PCDHGA6: variants seen among roughly 807,000 people sequenced by gnomAD.
The protein encoded by PCDHGA6 is protocadherin gamma-A6.
Under a neutral mutation model 60.6 loss-of-function variants are expected in PCDHGA6, and 41 were observed. The observed-to-expected ratio is 0.68, with a 90% CI of 0.53 to 0.88. The LOEUF is 0.88. Ranked by LOEUF, PCDHGA6 falls within the 40% of genes least tolerant of loss-of-function variation. The probability of loss-of-function intolerance (pLI) is 0.00; values close to 1 mark genes in which losing one functional copy is unlikely to be tolerated. For missense variants in PCDHGA6, 1,312 were observed against 1,203.0 expected (o/e 1.09, Z -1.34); for synonymous variants, 594 against 524.4 (o/e 1.13, Z -1.81).
intron 1 of PCDHGA6, chr5:141,442,166 A>G (rs2098306007): frequency 6.4e-6 from 1 of 156,354 alleles, no homozygotes; most frequent in Non-Finnish European, 1.4e-5. Flanking sequence ...TCACTCTGCA[A>G]AGCTACAGCC....
In PCDHGA6 at chr5:141,432,085, G is replaced by A. The variant is rs144065251; in HGVS notation, c.2424+55578G>A. 2.2e-4 allele frequency: 353 copies of A among 1,614,164 alleles called. 1 individual carries two copies. The African/African-American group carries it at 4.2e-3, about 19-fold the overall frequency. ...CGGAAACTCATATCTCGCTGAACGT[G>A]GCAGACACCAACGACAACCCGCCGG... On this transcript the variant is annotated intron_variant, in intron 1 of 3. Transcript: ENST00000517434. This position sits in a 1 kb window ranked among gnomAD's most constrained non-coding sequence, Gnocchi z 6.0.
At chr5:141,417,941 A>T (rs1319967892) in intron 1 of PCDHGA6, 1 of 1,612,890 alleles carries the variant, frequency 6.2e-7, no homozygotes, top group South Asian at 1.1e-5. Context: ...GTTCTACCCC[A>T]CGCTGTGTGA....
At chr5:141,414,564 C>G in intron 1 of PCDHGA6, 1 of 1,613,948 alleles carries the variant, frequency 6.2e-7, no homozygotes, top group East Asian at 2.2e-5. Context: ...CCTACTTTAC[C>G]TATATCCCAG....
intron 1 of PCDHGA6, chr5:141,413,447 C>T: frequency 2.5e-6 from 4 of 1,614,088 alleles, no homozygotes; most frequent in Non-Finnish European, 3.4e-6. Flanking sequence ...TTGATCACCG[C>T]GGGCAGGATA....
intron 1 of PCDHGA6, among the ~76,000 whole-genome samples, chr5:141,401,533 C>T (rs998579261): frequency 5.9e-5 from 9 of 151,790 alleles, no homozygotes; most frequent in South Asian, 2.1e-4. Context: ...AAGAAACTTA[C>T]AAAAAAAAGG....
chr5:141,386,967 T>C (rs1397962065), intron 1 of PCDHGA6, among the ~76,000 whole-genome samples: 1 of 152,204 alleles, frequency 6.6e-6, no homozygotes, highest in Non-Finnish European at 1.5e-5. Flanking sequence ...CAGATCTCAG[T>C]GACTTTGTGT....
chr5:141,429,760 C>T (rs1036499079), intron 1 of PCDHGA6, among the ~76,000 whole-genome samples: 2 of 152,020 alleles, frequency 1.3e-5, no homozygotes, highest in Non-Finnish European at 2.9e-5. Context: ...AATTTTTTCC[C>T]TATATTTTGA....
chr5:141,505,284 G>A, intron 2 of PCDHGA6, 109 bp from the exon 3 acceptor site: 1 of 1,548,402 alleles, frequency 6.5e-7, no homozygotes. Flanking sequence ...CAGGTCTTGG[G>A]CATGGGGTAG....
At position 141,477,269 on chromosome 5, in the gene PCDHGA6, G is replaced by A; in HGVS notation, c.2425-17538G>A. On this transcript the variant is annotated intron_variant, in intron 1 of 3. Coordinates refer to ENST00000517434, the MANE Select transcript of PCDHGA6 (RefSeq NM_018919.3). This position sits in a 1 kb window ranked among gnomAD's most constrained non-coding sequence, Gnocchi z 4.9. Reference sequence around the variant, plus strand: ...GACTGACCTGGATGCTGGCGAGAACGGGCTGGTGACCTGCGAAGTTCCACC... The same window carrying A: ...GACTGACCTGGATGCTGGCGAGAACAGGCTGGTGACCTGCGAAGTTCCACC... 1.9e-6 allele frequency: 3 copies of A among 1,614,154 alleles called. No individual in the cohort carries two copies. Among genetic ancestry groups the A allele is most frequent in the Non-Finnish European group, 2.5e-6 (3 of 1,180,030 alleles).
Position 141,511,381 on chromosome 5 carries a change from G to C in PCDHGA6, c.*208G>C. 8.5e-7 allele frequency: 1 copy of C among 1,170,380 alleles called. No individual in the cohort carries two copies. Among genetic ancestry groups the C allele is most frequent in the Non-Finnish European group, 1.2e-6 (1 of 854,768 alleles). 72.5% of individuals were successfully genotyped at this position (1,170,380 alleles called of 1,614,324 possible). On this transcript the variant is annotated 3_prime_UTR_variant, in exon 4 of 4. Coordinates refer to ENST00000517434, the MANE Select transcript of PCDHGA6 (RefSeq NM_018919.3). The stretch of plus-strand genomic sequence containing the variant: ...GGGTTGAATATGCAAAAGCAGTTCC[G>C]CTGGGAACCCCCATCCAATCAACTG...
intron 1 of PCDHGA6, chr5:141,420,445 T>C: frequency 9.6e-7 from 1 of 1,044,750 alleles, no homozygotes; most frequent in Non-Finnish European, 1.3e-6. Context: ...AATGCCTCAG[T>C]CTTCCTACTA....
In PCDHGA6 at chr5:141,487,268, G is replaced by A; in HGVS notation, c.2425-7539G>A. ...CCTCTACTTGGCTGTGTCCCTAGTG[G>A]CAATTTGCTTTGTCTCCTTTGGCTC... On this transcript the variant is annotated intron_variant, in intron 1 of 3. Transcript: ENST00000517434. This position sits in a 1 kb window ranked among gnomAD's most constrained non-coding sequence, Gnocchi z 5.0. 4 of 1,614,100 alleles carry A rather than the reference G, an allele frequency of 2.5e-6. No homozygotes were observed. The South Asian group carries it at 4.4e-5, about 18-fold the overall frequency.
rs187713374 is a variant in PCDHGA6, at chr5:141,430,744, C to G, written c.2424+54237C>G. 2.5e-4 allele frequency: 380 copies of G among 1,498,404 alleles called. 1 individual carries two copies. In the African/African-American group the frequency reaches 4.6e-3, roughly 18 times the overall value. The allele number at this position is 1,498,404 out of a possible 1,614,324, so 92.8% of individuals were successfully genotyped here. A position where few individuals can be genotyped will look rare whatever the true frequency, so the allele number is the denominator to read the frequency against. ...GTTAAGGGCAGAATTGAAAATAATTCTGGAGGAAGATAAGAATGATTCCTG... is the reference window on the plus strand; with the variant it reads ...GTTAAGGGCAGAATTGAAAATAATTGTGGAGGAAGATAAGAATGATTCCTG... On this transcript the variant is annotated intron_variant, in intron 1 of 3. Coordinates refer to ENST00000517434, the MANE Select transcript of PCDHGA6 (RefSeq NM_018919.3).
intron 1 of PCDHGA6, among the ~76,000 whole-genome samples, chr5:141,468,777 A>T (rs2099178581): frequency 6.7e-6 from 1 of 150,364 alleles, no homozygotes; most frequent in Non-Finnish European, 1.5e-5. Flanking sequence ...GAGGCAGGAG[A>T]ATGGCGTGAA....
chr5:141,444,902 G>A (rs1442325957), intron 1 of PCDHGA6, among the ~76,000 whole-genome samples: 1 of 152,160 alleles, frequency 6.6e-6, no homozygotes, highest in Non-Finnish European at 1.5e-5. Context: ...GGATGGCATT[G>A]CATCTATACC....
At chr5:141,404,446 G>A (rs1211285523) in intron 1 of PCDHGA6, 2 of 1,612,974 alleles carry the variant, frequency 1.2e-6, no homozygotes, top group East Asian at 2.2e-5. Context: ...CCATCCAAGG[G>A]TCTCCTCTCT....
chr5:141,504,907 A>G (rs2099841813), intron 2 of PCDHGA6, among the ~76,000 whole-genome samples: 1 of 152,100 alleles, frequency 6.6e-6, no homozygotes, highest in African/African-American at 2.4e-5. Context: ...TCACTATGAC[A>G]GGAAGCCAGG....
intron 1 of PCDHGA6, chr5:141,420,367 T>C: frequency 7.3e-7 from 1 of 1,360,684 alleles, no homozygotes; most frequent in Non-Finnish European, 9.7e-7. Flanking sequence ...CTAGATAACT[T>C]CTTCATAGAG....
In PCDHGA6 at chr5:141,400,300, C is replaced by A. The variant is rs1267834290; in HGVS notation, c.2424+23793C>A. The stretch of plus-strand genomic sequence containing the variant: ...CCCTGCCGCCTGGAGCTGCTTCCAA[C>A]CTGGTCTCTGTGTCAAGTCTGGACC... On this transcript the variant is annotated intron_variant, in intron 1 of 3. Transcript: ENST00000517434. 6.8e-6 allele frequency: 11 copies of A among 1,613,966 alleles called. No individual in the cohort carries two copies. The African/African-American group carries it at 1.3e-4, about 20-fold the overall frequency.
Sources: gnomAD v4.1 joint callset for allele counts (sites outside exome capture counted in the v4.1 genomes callset) on GRCh38, gnomAD v4.1.1 for gene constraint, Gnocchi (gnomAD v3.1) non-coding constraint, MANE v1.5 for transcripts, NCBI Gene and HGNC (gene_info 2026-07-23, HGNC 2026-07-21) for gene names.